The following PTPRQ variants were observed in gnomAD, a reference collection of about 807,000 sequenced individuals.
The protein encoded by PTPRQ is phosphatidylinositol phosphatase PTPRQ.
PTPRQ carries 199 observed loss-of-function variants against 246.0 expected under a neutral mutation model. The observed-to-expected ratio is 0.81, with a 90% CI of 0.72 to 0.91. The LOEUF (loss-of-function observed/expected upper bound fraction) is 0.91, where lower values mean the gene tolerates loss of function less well. PTPRQ is among the 40% of genes least tolerant of loss of function. The pLI, the probability that PTPRQ is intolerant of heterozygous loss-of-function variation, is 0.00. For synonymous variants in PTPRQ, 869 were observed against 853.2 expected, an observed-to-expected ratio of 1.02 and a Z score of -0.32; for missense variants, 2,624 against 2,528.4, an observed-to-expected ratio of 1.04 and a Z score of -0.81.
At chr12:80,506,314 A>G in intron 15 of PTPRQ, 108 bp downstream of exon 15, 1 of 1,248,896 alleles carries the variant, frequency 8.0e-7, no homozygotes, top group Non-Finnish European at 1.1e-6. Flanking sequence ...AGGGTATTAC[A>G]ATTTTGTCTT....
chr12:80,563,867 G>A lies in PTPRQ; in HGVS notation c.4285+14133G>A, dbSNP rs114582463. 6.0e-3 allele frequency among the ~76,000 whole-genome samples: 906 copies of A among 152,134 alleles called. 6 individuals carry two copies. The highest frequency in any genetic ancestry group is 0.021 in the African/African-American group (872 of 41,520). ...CTCTGACATCACTGTATGATGGTTC[G>A]GTGCCTTATTACTGCTAAGAGAGAG... On this transcript the variant is annotated intron_variant, in intron 25 of 44. Coordinates refer to ENST00000644991, the MANE Select transcript of PTPRQ (RefSeq NM_001145026.2).
At chr12:80,576,031 T>C (rs1041683950) in intron 25 of PTPRQ, among the ~76,000 whole-genome samples, 2 of 152,116 alleles carry the variant, frequency 1.3e-5, no homozygotes, top group Non-Finnish European at 2.9e-5. Flanking sequence ...TATGGGCTCC[T>C]GAACAATCCC....
chr12:80,603,040 C>T (rs1898194688), intron 26 of PTPRQ, among the ~76,000 whole-genome samples: 1 of 151,706 alleles, frequency 6.6e-6, no homozygotes, highest in African/African-American at 2.4e-5. Context: ...CCACCAAAAT[C>T]AGTGTATGTT....
At chr12:80,472,770 T>G (rs1893681670) in intron 8 of PTPRQ, among the ~76,000 whole-genome samples, 1 of 152,212 alleles carries the variant, frequency 6.6e-6, no homozygotes, top group South Asian at 2.1e-4. Context: ...AGAAACTTCC[T>G]TATAAGTATT....
chr12:80,488,259 G>A (rs919538017), intron 9 of PTPRQ, among the ~76,000 whole-genome samples: 12 of 152,000 alleles, frequency 7.9e-5, no homozygotes, highest in African/African-American at 2.9e-4. Context: ...CTAAAGAAGA[G>A]GAGATTTTAC....
chr12:80,634,625 A>G (rs764279152), intron 34 of PTPRQ: 11 of 234,768 alleles, frequency 4.7e-5, no homozygotes, highest in African/African-American at 7.1e-5. Context: ...AGCTAGAGAG[A>G]AGAGAAACAA....
At chr12:80,666,998 C>T (rs991920589) in intron 39 of PTPRQ, among the ~76,000 whole-genome samples, 2 of 152,002 alleles carry the variant, frequency 1.3e-5, no homozygotes, top group African/African-American at 4.8e-5. Flanking sequence ...AACTGTTAAA[C>T]CACACACTAT....
intron 6 of PTPRQ, among the ~76,000 whole-genome samples, chr12:80,463,210 C>T (rs905146639): frequency 4.6e-4 from 70 of 152,054 alleles, no homozygotes; most frequent in African/African-American, 1.6e-3. Flanking sequence ...ACGAGAACTA[C>T]GTGAAGAATG....
chr12:80,521,611 A>G (rs552362642), intron 17 of PTPRQ, among the ~76,000 whole-genome samples: 1 of 152,196 alleles, frequency 6.6e-6, no homozygotes, highest in South Asian at 2.1e-4. Context: ...ACCATTTATT[A>G]AATAGGGAAT....
intron 27 of PTPRQ, among the ~76,000 whole-genome samples, chr12:80,608,547 T>TAATTTATAAATTATACTTTTAAATTATA: frequency 6.8e-6 from 1 of 147,988 alleles, no homozygotes; most frequent in African/African-American, 2.5e-5. Context: ...TGGAAGAGTA[T>TAATTTATAAATTATACTTTTAAATTATA]AATTTATAAA....
At chr12:80,513,929 C>T (rs541814478) in intron 17 of PTPRQ, among the ~76,000 whole-genome samples, 1 of 152,218 alleles carries the variant, frequency 6.6e-6, no homozygotes, top group East Asian at 1.9e-4. Flanking sequence ...ACTTCCACAC[C>T]CTGCTGTAGC....
chr12:80,478,464 G>A (rs1437395073), intron 8 of PTPRQ, among the ~76,000 whole-genome samples: 1 of 152,202 alleles, frequency 6.6e-6, no homozygotes, highest in African/African-American at 2.4e-5. Context: ...ACTCTAAAAA[G>A]CAGAGCGCCT....
intron 25 of PTPRQ, among the ~76,000 whole-genome samples, chr12:80,573,820 A>T (rs183548739): frequency 6.6e-6 from 1 of 152,068 alleles, no homozygotes; most frequent in South Asian, 2.1e-4. Flanking sequence ...AATGTTCTCT[A>T]TTGTTTTTGT....
rs868149932 is a variant in PTPRQ at position 80,604,920 on chromosome 12, G to A, written c.4610-139G>A. The A allele has an allele frequency of 7.3e-5, 66 of 898,062 alleles. No individual in the cohort carries two copies. The African/African-American group carries it at 1.0e-3, about 14-fold the overall frequency. 55.6% of individuals were successfully genotyped at this position (898,062 alleles called of 1,614,324 possible). A position where few individuals can be genotyped will look rare whatever the true frequency, so the allele number is the denominator to read the frequency against. On this transcript the variant is annotated intron_variant, in intron 26 of 44. Transcript: ENST00000644991. ...ATCTTTTTATTTGGTAATGCCTTTAGCACTCTGTGAAATATAAATTAATGT... is the reference window on the plus strand; with the variant it reads ...ATCTTTTTATTTGGTAATGCCTTTAACACTCTGTGAAATATAAATTAATGT...
At chr12:80,513,845 T>C (rs1895197527) in intron 17 of PTPRQ, among the ~76,000 whole-genome samples, 1 of 152,294 alleles carries the variant, frequency 6.6e-6, no homozygotes, top group African/African-American at 2.4e-5. Flanking sequence ...ATGTCTGTGT[T>C]GAACCTCAGG....
At chr12:80,660,203 G>A (rs1019914971) in intron 39 of PTPRQ, among the ~76,000 whole-genome samples, 1 of 151,974 alleles carries the variant, frequency 6.6e-6, no homozygotes, top group Non-Finnish European at 1.5e-5. Context: ...GAGGGAGGTA[G>A]GAAAGAAAGC....
intron 35 of PTPRQ, among the ~76,000 whole-genome samples, chr12:80,640,280 T>C (rs113861302): frequency 1.3e-5 from 2 of 152,164 alleles, no homozygotes; most frequent in African/African-American, 4.8e-5. Flanking sequence ...CTTTTAGTAG[T>C]GTAATTTTTA....
At chr12:80,676,134 C>T (rs1331251550) in intron 43 of PTPRQ, among the ~76,000 whole-genome samples, 10 of 152,120 alleles carry the variant, frequency 6.6e-5, no homozygotes, top group Non-Finnish European at 1.2e-4. Flanking sequence ...AATGACCACC[C>T]CTTGCCTCCA....
intron 39 of PTPRQ, among the ~76,000 whole-genome samples, chr12:80,659,094 T>C (rs1485583979): frequency 6.6e-6 from 1 of 152,076 alleles, no homozygotes; most frequent in Non-Finnish European, 1.5e-5. Flanking sequence ...TTTAAGACTT[T>C]AAGACTTTTT....
Sources: gnomAD v4.1 joint callset for allele counts (sites outside exome capture counted in the v4.1 genomes callset) on GRCh38, gnomAD v4.1.1 for gene constraint, MANE v1.5 for transcripts, NCBI Gene and HGNC (gene_info 2026-07-23, HGNC 2026-07-21) for gene names.